The following ZDHHC2 variants were observed in gnomAD, a reference collection of about 807,000 sequenced individuals.
The protein encoded by ZDHHC2 is zDHHC palmitoyltransferase 2, also known as palmitoyltransferase ZDHHC2.
In ZDHHC2, 51 loss-of-function variants were observed where a neutral mutation model predicts 55.6. The observed-to-expected ratio is 0.92, with a 90% CI of 0.73 to 1.16. ZDHHC2 has a LOEUF of 1.16. ZDHHC2 is among the 50% of genes most tolerant of loss of function. ZDHHC2 has a pLI of 0.00. For missense variants in ZDHHC2, 491 were observed against 442.4 expected, an observed-to-expected ratio of 1.11 and a Z score of -0.99; for synonymous variants, 199 against 152.9, an observed-to-expected ratio of 1.30 and a Z score of -2.22.
rs748428923 is a variant in ZDHHC2, at chr8:17,222,981, T to C, written c.*2760T>C. ...CTACACTGTAATCAATAGACAACTA[T>C]TGGAAATATGGCATATGTTGACAAA... On this transcript the variant is annotated 3_prime_UTR_variant, in exon 13 of 13. Coordinates refer to ENST00000262096, the MANE Select transcript of ZDHHC2 (RefSeq NM_016353.5). 6.6e-6 allele frequency: 1 copy of C among 151,858 alleles called. No homozygotes were observed. The highest frequency in any genetic ancestry group is 2.4e-5 in the African/African-American group (1 of 41,398). The allele number at this position is 151,858 out of a possible 1,614,324, so 9.4% of individuals were successfully genotyped here.
At chr8:17,182,554 T>C (rs1805484045) in intron 1 of ZDHHC2, among the ~76,000 whole-genome samples, 1 of 152,136 alleles carries the variant, frequency 6.6e-6, no homozygotes. Context: ...TTATTTACTA[T>C]AAAGATGAAT....
At position 17,186,338 on chromosome 8, in the gene ZDHHC2, C is replaced by T; in HGVS notation, c.165C>T (p.Cys55=). Residue 55 remains cysteine, a synonymous_variant, in exon 3 of 13, where the codon TGC becomes TGT. Transcript: ENST00000262096. ...ATGTTTTTCTCATTTTAGTTGTGTGCCTGATGGCCTATCATCTACTTTTTG... is the reference window on the plus strand; with the variant it reads ...ATGTTTTTCTCATTTTAGTTGTGTGTCTGATGGCCTATCATCTACTTTTTG... ...SMENTGEQVV[C]LMAYHLLFAM... The T allele has an allele frequency of 6.3e-7, 1 of 1,591,334 alleles. No individual in the cohort carries two copies. Among genetic ancestry groups the T allele is most frequent in the Non-Finnish European group, 8.6e-7 (1 of 1,169,356 alleles).
intron 6 of ZDHHC2, 46 bp downstream of exon 6, chr8:17,198,459 T>C: frequency 6.6e-7 from 1 of 1,524,806 alleles, no homozygotes; most frequent in Non-Finnish European, 8.9e-7. Context: ...CTTGTAAATG[T>C]TAATAAATTA....
intron 6 of ZDHHC2, among the ~76,000 whole-genome samples, chr8:17,199,465 ACTTCTT>A (rs377014817): frequency 0.057 from 5,592 of 98,364 alleles, 249 homozygotes; most frequent in East Asian, 0.15. Flanking sequence ...CTTTAATAAG[ACTTCTT>A]CTTCTTCTTC....
intron 12 of ZDHHC2, among the ~76,000 whole-genome samples, chr8:17,218,703 A>G (rs528567751): frequency 2.0e-5 from 3 of 152,206 alleles, no homozygotes; most frequent in Non-Finnish European, 4.4e-5. Context: ...ATTAGGCATA[A>G]TCACAAAATG....
intron 1 of ZDHHC2, among the ~76,000 whole-genome samples, chr8:17,165,370 G>T (rs1166980973): frequency 6.6e-6 from 1 of 152,154 alleles, no homozygotes; most frequent in East Asian, 1.9e-4. Context: ...AAGATAAAGG[G>T]CAGGGACCAG....
chr8:17,213,564 A>C (rs915112466), intron 10 of ZDHHC2, among the ~76,000 whole-genome samples: 20 of 151,870 alleles, frequency 1.3e-4, no homozygotes, highest in Admixed American at 1.1e-3. Context: ...GATTTTTTTG[A>C]TTGTTATAGC....
At chr8:17,166,662 A>C (rs1454345011) in intron 1 of ZDHHC2, among the ~76,000 whole-genome samples, 5 of 152,196 alleles carry the variant, frequency 3.3e-5, no homozygotes, top group African/African-American at 9.6e-5. Flanking sequence ...GGAGATGAGT[A>C]GGAACCAGCA....
intron 1 of ZDHHC2, 57 bp downstream of exon 1, chr8:17,156,910 C>A (rs1804082931): frequency 7.0e-7 from 1 of 1,426,904 alleles, no homozygotes; most frequent in Non-Finnish European, 9.2e-7. Context: ...CCCGACTGTC[C>A]CGGGACGCTC....
At chr8:17,181,541 TAAAG>T (rs1181083871) in intron 1 of ZDHHC2, among the ~76,000 whole-genome samples, 5 of 152,308 alleles carry the variant, frequency 3.3e-5, no homozygotes, top group East Asian at 3.9e-4. Flanking sequence ...GGAAATGAGA[TAAAG>T]AAGGCTATAC....
intron 12 of ZDHHC2, among the ~76,000 whole-genome samples, chr8:17,218,041 G>C (rs1807728379): frequency 6.6e-6 from 1 of 152,134 alleles, no homozygotes; most frequent in Non-Finnish European, 1.5e-5. Flanking sequence ...AAAGTTCATG[G>C]ATATCTGTTT....
In ZDHHC2 at chr8:17,161,552, G is replaced by A. The variant is rs111996696; in HGVS notation, c.130+4699G>A. ...TGTATGCAAAACATTTAACGCCTAC[G>A]TCACCTTAGAAATGATTACTTATTG... On this transcript the variant is annotated intron_variant, in intron 1 of 12. Coordinates refer to ENST00000262096, the MANE Select transcript of ZDHHC2 (RefSeq NM_016353.5). 6.1e-3 allele frequency among the ~76,000 whole-genome samples: 924 copies of A among 152,266 alleles called. 6 individuals carry two copies. Among genetic ancestry groups the A allele is most frequent in the African/African-American group, 0.021 (871 of 41,560 alleles).
chr8:17,217,587 A>G (rs1464549550), intron 12 of ZDHHC2, among the ~76,000 whole-genome samples: 1 of 152,146 alleles, frequency 6.6e-6, no homozygotes, highest in East Asian at 1.9e-4. Flanking sequence ...AATTATTTTT[A>G]ATTTTTCTTC....
At chr8:17,207,934 A>G (rs762569987) in intron 7 of ZDHHC2, 26 bp from the exon 8 acceptor site, 5 of 1,441,662 alleles carry the variant, frequency 3.5e-6, no homozygotes, top group African/African-American at 1.4e-5. Flanking sequence ...TTGACAAAAC[A>G]TGTTATTTTC....
chr8:17,215,840 G>A (rs1807622499), intron 11 of ZDHHC2, among the ~76,000 whole-genome samples: 1 of 152,100 alleles, frequency 6.6e-6, no homozygotes, highest in African/African-American at 2.4e-5. Context: ...TGTTACTGTT[G>A]TTGATTTCAA....
chr8:17,215,512 G>A (rs1010311032), intron 11 of ZDHHC2, among the ~76,000 whole-genome samples, 163 bp downstream of exon 11: 12 of 152,150 alleles, frequency 7.9e-5, no homozygotes, highest in African/African-American at 2.2e-4. Flanking sequence ...TATGAGGTTC[G>A]TTAATAACCT....
intron 1 of ZDHHC2, among the ~76,000 whole-genome samples, chr8:17,174,386 C>T (rs1169414209): frequency 6.6e-6 from 1 of 152,134 alleles, no homozygotes; most frequent in Admixed American, 6.5e-5. Flanking sequence ...GGTATTATCA[C>T]GAAGACTTGG....
rs1237614840 is a variant in ZDHHC2, at chr8:17,156,680, C to A, written c.-44C>A. 2.1e-5 allele frequency: 27 copies of A among 1,261,088 alleles called. No homozygotes were observed. In the East Asian group the frequency reaches 8.8e-4, roughly 41 times the overall value. 78.1% of individuals were successfully genotyped at this position (1,261,088 alleles called of 1,614,324 possible). ...CCGCCCAGCCCGCCCCGGAGCCAGG[C>A]CCGCGGGCGGCGGCGGAGCTGGGCA... On this transcript the variant is annotated 5_prime_UTR_variant, in exon 1 of 13. Transcript: ENST00000262096.
At chr8:17,205,598 T>C in intron 6 of ZDHHC2, 57 bp from the exon 7 acceptor site, 2 of 1,496,170 alleles carry the variant, frequency 1.3e-6, no homozygotes, top group East Asian at 2.5e-5. Context: ...CTTGAGCATA[T>C]GCACATGTAG....
Sources: gnomAD v4.1 joint callset for allele counts (sites outside exome capture counted in the v4.1 genomes callset) on GRCh38, gnomAD v4.1.1 for gene constraint, MANE v1.5 for transcripts, NCBI Gene and HGNC (gene_info 2026-07-23, HGNC 2026-07-21) for gene names.